ADAM22: variants seen among roughly 807,000 people sequenced by gnomAD.
ADAM22 encodes the protein ADAM metallopeptidase domain 22, also known as disintegrin and metalloproteinase domain-containing protein 22.
A neutral mutation model predicts 144.6 loss-of-function variants in ADAM22; 65 were observed. That is an observed-to-expected ratio of 0.45 (90% CI 0.37 to 0.55). The LOEUF (loss-of-function observed/expected upper bound fraction) is 0.55, where lower values mean the gene tolerates loss of function less well. Ranked by LOEUF, ADAM22 falls within the 20% of genes least tolerant of loss-of-function variation. The probability of loss-of-function intolerance (pLI) is 0.00; values close to 1 mark genes in which losing one functional copy is unlikely to be tolerated. For synonymous variants in ADAM22, 391 were observed against 412.6 expected, an observed-to-expected ratio of 0.95 and a Z score of 0.63; for missense variants, 974 against 1,184.9, an observed-to-expected ratio of 0.82 and a Z score of 2.61.
At chr7:88,017,151 TA>T (rs1189370312) in intron 3 of ADAM22, among the ~76,000 whole-genome samples, 1 of 151,978 alleles carries the variant, frequency 6.6e-6, no homozygotes, top group African/African-American at 2.4e-5. Context: ...AAATTAAAAA[TA>T]AAAAAATACA....
intron 2 of ADAM22, among the ~76,000 whole-genome samples, chr7:87,975,404 T>G (rs1851672056): frequency 6.6e-6 from 1 of 152,192 alleles, no homozygotes; most frequent in Non-Finnish European, 1.5e-5. Context: ...CAGCACTTGG[T>G]AGGCTCTCAG....
chr7:87,997,489 A>C (rs1791509719), intron 3 of ADAM22, among the ~76,000 whole-genome samples: 1 of 152,234 alleles, frequency 6.6e-6, no homozygotes, highest in Non-Finnish European at 1.5e-5. Flanking sequence ...CATCTGGTCT[A>C]CGCTTCTTTG....
At chr7:87,964,530 C>T in intron 2 of ADAM22, 1 of 315,916 alleles carries the variant, frequency 3.2e-6, no homozygotes, top group Non-Finnish European at 6.0e-6. Flanking sequence ...TCTAGAGTCT[C>T]TTTTATTACC....
chr7:88,148,617 G>A (rs1837311834), intron 17 of ADAM22, among the ~76,000 whole-genome samples: 1 of 151,820 alleles, frequency 6.6e-6, no homozygotes, highest in Non-Finnish European at 1.5e-5. Flanking sequence ...TGGTAGATAA[G>A]GCAGAAAAGG....
At position 87,934,316 on chromosome 7, in the gene ADAM22, A is replaced by C. The variant is rs554209639; in HGVS notation, c.-150A>C. Reference sequence around the variant, plus strand: ...ACAATGCAGCACTGAGCCGCGGTGGAGGTTGCAGCGCCACGGCCGCCGCAG... The same window carrying C: ...ACAATGCAGCACTGAGCCGCGGTGGCGGTTGCAGCGCCACGGCCGCCGCAG... On this transcript the variant is annotated 5_prime_UTR_variant, in exon 1 of 32. Coordinates refer to ENST00000413139, the MANE Select transcript of ADAM22 (RefSeq NM_001324418.2). 2.2e-5 allele frequency: 14 copies of C among 629,524 alleles called. No individual in the cohort carries two copies. The highest frequency in any genetic ancestry group is 3.6e-5 in the Non-Finnish European group (14 of 383,604). The allele number at this position is 629,524 out of a possible 1,614,324, so 39.0% of individuals were successfully genotyped here.
chr7:88,026,414 G>A (rs1021976397), intron 3 of ADAM22, among the ~76,000 whole-genome samples: 13 of 152,082 alleles, frequency 8.5e-5, no homozygotes, highest in African/African-American at 1.4e-4. Flanking sequence ...CTGAAGGGGC[G>A]GTGCTAACCC....
intron 4 of ADAM22, among the ~76,000 whole-genome samples, chr7:88,096,601 G>A (rs1000871606): frequency 6.6e-6 from 1 of 151,208 alleles, no homozygotes; most frequent in Non-Finnish European, 1.5e-5. Context: ...TGTATATTTG[G>A]TATTTTAAAA....
At chr7:88,102,506 A>G (rs954219885) in intron 4 of ADAM22, among the ~76,000 whole-genome samples, 2 of 152,126 alleles carry the variant, frequency 1.3e-5, no homozygotes, top group Non-Finnish European at 2.9e-5. Flanking sequence ...TGTGATTTAG[A>G]TGGTTGGGAG....
At chr7:88,193,823 C>T (rs771280416) in intron 31 of ADAM22, among the ~76,000 whole-genome samples, 4 of 152,202 alleles carry the variant, frequency 2.6e-5, no homozygotes, top group East Asian at 1.9e-4. Context: ...AGAGATGTTT[C>T]GGAATCTCTT....
At position 88,194,807 on chromosome 7, in the gene ADAM22, C is replaced by T. The variant is rs138285412; in HGVS notation, c.2874+1568C>T. On this transcript the variant is annotated intron_variant, in intron 31 of 31. Coordinates refer to ENST00000413139, the MANE Select transcript of ADAM22 (RefSeq NM_001324418.2). ...TCAGATCGTCTTTGCTCCAGACCCACCACAAGCCCCATTTAACTCCTCTCC... is the reference window on the plus strand; with the variant it reads ...TCAGATCGTCTTTGCTCCAGACCCATCACAAGCCCCATTTAACTCCTCTCC... Among the ~76,000 whole-genome samples the T allele has an allele frequency of 8.1e-3, 1,228 of 152,304 alleles. 22 individuals carry two copies. The highest frequency in any genetic ancestry group is 0.029 in the African/African-American group (1,185 of 41,560).
chr7:88,074,197 A>G (rs1369612191), intron 3 of ADAM22, among the ~76,000 whole-genome samples: 1 of 152,170 alleles, frequency 6.6e-6, no homozygotes, highest in African/African-American at 2.4e-5. Context: ...TATTAAGTAC[A>G]TATGTATATT....
chr7:88,020,055 G>A (rs998691112), intron 3 of ADAM22, among the ~76,000 whole-genome samples: 40 of 152,120 alleles, frequency 2.6e-4, no homozygotes, highest in African/African-American at 8.9e-4. Flanking sequence ...CTCTTAGGTG[G>A]ATAGCAATTT....
intron 3 of ADAM22, among the ~76,000 whole-genome samples, chr7:88,059,953 A>T (rs910323236): frequency 2.0e-5 from 3 of 152,142 alleles, no homozygotes; most frequent in Non-Finnish European, 4.4e-5. Flanking sequence ...GTAAAAGCCA[A>T]ACCTCTTAAT....
intron 3 of ADAM22, among the ~76,000 whole-genome samples, chr7:88,027,030 A>T (rs1230016622): frequency 6.6e-6 from 1 of 152,184 alleles, no homozygotes; most frequent in Non-Finnish European, 1.5e-5. Context: ...GATGCATCAC[A>T]TTGATTGATT....
Position 88,132,850 on chromosome 7 carries a change from A to G in ADAM22, c.993-17A>G, listed in dbSNP as rs1227873396. ...GAACTGTGAACAGTAAGCATTTTTC[A>G]TTTCCTTTTCTAAAAGGGGAAGTCA... On this transcript the variant is annotated splice_polypyrimidine_tract_variant and intron_variant, in intron 11 of 31. Transcript: ENST00000413139. 6.8e-6 allele frequency: 11 copies of G among 1,610,914 alleles called. No homozygotes were observed. The highest frequency in any genetic ancestry group is 1.3e-5 in the African/African-American group (1 of 74,818).
chr7:88,096,241 T>C (rs1022851318), intron 4 of ADAM22, among the ~76,000 whole-genome samples: 1 of 152,016 alleles, frequency 6.6e-6, no homozygotes, highest in African/African-American at 2.4e-5. Flanking sequence ...TTTTTTTTTT[T>C]TTTCCCCCAA....
Position 88,200,008 on chromosome 7 carries a change from C to T in ADAM22, c.*3517C>T, listed in dbSNP as rs940835247. Reference sequence around the variant, plus strand: ...TTCATAACAGGCTTACATTTCTTTTCTATTGATTCCCTTGCATATCTACAT... The same window carrying T: ...TTCATAACAGGCTTACATTTCTTTTTTATTGATTCCCTTGCATATCTACAT... On this transcript the variant is annotated 3_prime_UTR_variant, in exon 32 of 32. Coordinates refer to ENST00000413139, the MANE Select transcript of ADAM22 (RefSeq NM_001324418.2). The T allele has an allele frequency of 1.3e-5, 2 of 152,150 alleles. No homozygotes were observed. Among genetic ancestry groups the T allele is most frequent in the African/African-American group, 2.4e-5 (1 of 41,458 alleles). The allele number at this position is 152,150 out of a possible 1,614,324, so 9.4% of individuals were successfully genotyped here.
intron 17 of ADAM22, 52 bp downstream of exon 17, chr7:88,145,559 A>C (rs748894668): frequency 7.2e-7 from 1 of 1,397,612 alleles, no homozygotes; most frequent in Admixed American, 1.7e-5. Flanking sequence ...TACTTGATTA[A>C]ATCATTAAGG....
chr7:88,093,389 C>T (rs1185393738), intron 4 of ADAM22, among the ~76,000 whole-genome samples: 1 of 151,922 alleles, frequency 6.6e-6, no homozygotes, highest in African/African-American at 2.4e-5. Flanking sequence ...AAGGTGTGGC[C>T]ACTATAAAAT....
Sources: allele counts gnomAD v4.1 joint callset (sites outside exome capture counted in the v4.1 genomes callset), GRCh38; gene constraint gnomAD v4.1.1; transcripts MANE v1.5; gene names NCBI Gene and HGNC (gene_info 2026-07-23, HGNC 2026-07-21).